Variants in CACNA1E observed in about 807,000 individuals in gnomAD.
CACNA1E encodes the protein calcium voltage-gated channel subunit alpha1 E, also known as voltage-dependent R-type calcium channel subunit alpha-1E.
In CACNA1E, 40 loss-of-function variants were observed where a neutral mutation model predicts 259.2. That is an observed-to-expected ratio of 0.15 (90% CI 0.12 to 0.20). The LOEUF (loss-of-function observed/expected upper bound fraction) is 0.20. Ranked by LOEUF, CACNA1E falls within the 10% of genes least tolerant of loss-of-function variation. The pLI, the probability that CACNA1E is intolerant of heterozygous loss-of-function variation, is 1.00. For missense variants in CACNA1E, 1,874 were observed against 3,040.1 expected, an observed-to-expected ratio of 0.62 and a Z score of 9.02; for synonymous variants, 1,104 against 1,138.5, an observed-to-expected ratio of 0.97 and a Z score of 0.61.
intron 2 of CACNA1E, among the ~76,000 whole-genome samples, chr1:181,457,704 C>T (rs946887022): frequency 3.3e-5 from 5 of 152,244 alleles, no homozygotes; most frequent in African/African-American, 1.2e-4. Flanking sequence ...GGTGCTGACT[C>T]AGCCCAAGTG....
intron 6 of CACNA1E, among the ~76,000 whole-genome samples, chr1:181,623,099 G>A (rs1002770831): frequency 6.6e-6 from 1 of 152,102 alleles, no homozygotes; most frequent in South Asian, 2.1e-4. Context: ...AGTCCATTTG[G>A]TCATTCAACA....
chr1:181,708,074 A>G (rs1035195212), intron 7 of CACNA1E, among the ~76,000 whole-genome samples: 17 of 152,204 alleles, frequency 1.1e-4, no homozygotes, highest in African/African-American at 4.1e-4. Flanking sequence ...AGCATTGTGC[A>G]CTAGCCTTGA....
intron 3 of CACNA1E, among the ~76,000 whole-genome samples, chr1:181,521,109 A>C (rs1666963480): frequency 6.6e-6 from 1 of 152,220 alleles, no homozygotes; most frequent in South Asian, 2.1e-4. Context: ...TGGTGACAGA[A>C]CATTTAGGAA....
At chr1:181,560,403 T>C (rs1222941436) in intron 3 of CACNA1E, among the ~76,000 whole-genome samples, 1 of 152,210 alleles carries the variant, frequency 6.6e-6, no homozygotes, top group East Asian at 1.9e-4. Flanking sequence ...TTTTTCCTTT[T>C]GAATGTATTT....
At chr1:181,400,119 G>A (rs896579841) in intron 1 of CACNA1E, among the ~76,000 whole-genome samples, 6 of 152,098 alleles carry the variant, frequency 3.9e-5, no homozygotes, top group Non-Finnish European at 5.9e-5. Flanking sequence ...GGGGTACATC[G>A]TGAAGCAGAT....
At chr1:181,604,525 C>T (rs554939582) in intron 6 of CACNA1E, among the ~76,000 whole-genome samples, 2 of 152,212 alleles carry the variant, frequency 1.3e-5, no homozygotes, top group Non-Finnish European at 2.9e-5. Flanking sequence ...GCAGTATTTT[C>T]CTCTGGACTA....
chr1:181,391,142 G>A (rs887704473), intron 1 of CACNA1E, among the ~76,000 whole-genome samples: 1 of 152,176 alleles, frequency 6.6e-6, no homozygotes, highest in Non-Finnish European at 1.5e-5. Context: ...CACCACTGGA[G>A]CCCTGGGCAC....
At chr1:181,579,652 G>GA (rs1419775749) in intron 5 of CACNA1E, among the ~76,000 whole-genome samples, 2 of 151,290 alleles carry the variant, frequency 1.3e-5, no homozygotes, top group South Asian at 2.1e-4. Flanking sequence ...TCTGTCTACA[G>GA]AAAAAAAAAG....
chr1:181,798,897 G>A lies in CACNA1E; in HGVS notation c.*63G>A. The A allele has an allele frequency of 7.1e-7, 1 of 1,417,222 alleles. No individual in the cohort carries two copies. The highest frequency in any genetic ancestry group is 1.6e-5 in the South Asian group (1 of 62,202). 87.8% of individuals were successfully genotyped at this position (1,417,222 alleles called of 1,614,324 possible). ...ATGGAGAAAACCAAGACAGAATTGG[G>A]AAGCCAGTGCGGCCCGGGGGGGAGG... On this transcript the variant is annotated 3_prime_UTR_variant, in exon 48 of 48. Transcript: ENST00000367573. The surrounding 1 kb of genome is among the most constrained non-coding windows in gnomAD (Gnocchi z 4.2).
intron 1 of CACNA1E, among the ~76,000 whole-genome samples, chr1:181,329,096 C>T (rs1037293531): frequency 1.3e-5 from 2 of 152,050 alleles, no homozygotes; most frequent in Non-Finnish European, 2.9e-5. Flanking sequence ...TGGTGAGTGG[C>T]GTCTTCATCC....
At chr1:181,717,584 A>G (rs772934444) in intron 11 of CACNA1E, among the ~76,000 whole-genome samples, 25 of 152,248 alleles carry the variant, frequency 1.6e-4, no homozygotes, top group African/African-American at 5.5e-4. Context: ...AGGAGGCTCA[A>G]TGATCAGGAG....
At chr1:181,603,105 G>T (rs1013635670) in intron 6 of CACNA1E, among the ~76,000 whole-genome samples, 14 of 152,100 alleles carry the variant, frequency 9.2e-5, no homozygotes, top group Non-Finnish European at 1.8e-4. Context: ...AAACCTACTG[G>T]CCTTAAGAAT....
At chr1:181,362,871 G>A (rs1571666607) in intron 1 of CACNA1E, among the ~76,000 whole-genome samples, 1 of 152,200 alleles carries the variant, frequency 6.6e-6, no homozygotes, top group Admixed American at 6.5e-5. Flanking sequence ...TTTGCCTTGG[G>A]CTGACCTGAC....
chr1:181,356,651 T>G (rs578151997), intron 1 of CACNA1E, among the ~76,000 whole-genome samples: 16 of 152,350 alleles, frequency 1.1e-4, no homozygotes, highest in African/African-American at 2.9e-4. Flanking sequence ...CTTAGGCTCT[T>G]CAGGCCTCAG....
At chr1:181,682,264 C>T (rs1007365664) in intron 7 of CACNA1E, among the ~76,000 whole-genome samples, 1 of 152,166 alleles carries the variant, frequency 6.6e-6, no homozygotes, top group Non-Finnish European at 1.5e-5. Context: ...TCTTAGCTTC[C>T]TTCCAAAGAG....
At chr1:181,647,606 G>A (rs73059770) in intron 6 of CACNA1E, among the ~76,000 whole-genome samples, 2,255 of 152,228 alleles carry the variant, frequency 0.015, 44 homozygotes, top group African/African-American at 0.047. Context: ...TTGAGTTGTC[G>A]GTTGCTGCTG....
chr1:181,548,966 G>A (rs988233008), intron 3 of CACNA1E, among the ~76,000 whole-genome samples: 3 of 152,154 alleles, frequency 2.0e-5, no homozygotes, highest in East Asian at 1.9e-4. Context: ...TTCAAGCCCC[G>A]AAACTGAGAT....
intron 1 of CACNA1E, among the ~76,000 whole-genome samples, chr1:181,384,770 A>G (rs949619379): frequency 1.3e-5 from 2 of 152,154 alleles, no homozygotes; most frequent in Non-Finnish European, 2.9e-5. Context: ...TGATAGCATT[A>G]GGAGATATAC....
chr1:181,656,494 T>A (rs543842788), intron 7 of CACNA1E, among the ~76,000 whole-genome samples: 46 of 152,370 alleles, frequency 3.0e-4, no homozygotes, highest in Admixed American at 1.8e-3. Flanking sequence ...ACAATGTGTG[T>A]TTTAAGCTAA....
Sources: gnomAD v4.1 joint callset for allele counts (sites outside exome capture counted in the v4.1 genomes callset) on GRCh38, gnomAD v4.1.1 for gene constraint, Gnocchi (gnomAD v3.1) non-coding constraint, MANE v1.5 for transcripts, NCBI Gene and HGNC (gene_info 2026-07-23, HGNC 2026-07-21) for gene names.